SYNE3: variants seen among roughly 807,000 people sequenced by gnomAD.
SYNE3 encodes the protein nesprin-3.
A neutral mutation model predicts 111.2 loss-of-function variants in SYNE3; 100 were observed. That is an observed-to-expected ratio of 0.90 (90% CI 0.77 to 1.06). The LOEUF (loss-of-function observed/expected upper bound fraction) is 1.06, where lower values mean the gene tolerates loss of function less well. Among genes scored for constraint, SYNE3 ranks in the 50% least tolerant of loss-of-function variants. The pLI, the probability that SYNE3 is intolerant of heterozygous loss-of-function variation, is 0.00. For missense variants in SYNE3, 1,160 were observed against 1,240.3 expected (o/e 0.94, Z 0.97); for synonymous variants, 547 against 533.9 (o/e 1.02, Z -0.34).
chr14:95,418,793 T>C (rs1884907119), intron 17 of SYNE3, among the ~76,000 whole-genome samples: 1 of 152,054 alleles, frequency 6.6e-6, no homozygotes, highest in Non-Finnish European at 1.5e-5. Flanking sequence ...TTAGTAGAGA[T>C]GGGGTTTCAC....
chr14:95,456,820 C>A (rs8005086), intron 5 of SYNE3, among the ~76,000 whole-genome samples: 19,957 of 152,182 alleles, frequency 0.13, 4,200 homozygotes, highest in African/African-American at 0.44. Flanking sequence ...TGTGGTGGCT[C>A]ACACCTGTAA....
chr14:95,515,492 G>A (rs179151), intron 1 of SYNE3, among the ~76,000 whole-genome samples: 32,366 of 152,082 alleles, frequency 0.21, 4,135 homozygotes, highest in Admixed American at 0.34. Context: ...CCCCCTCTCT[G>A]GGCCTGTTTC....
In SYNE3 at chr14:95,482,935, T is replaced by C. The variant is rs527310827; in HGVS notation, c.-14-7100A>G. 2.6e-5 allele frequency among the ~76,000 whole-genome samples: 4 copies of C among 152,316 alleles called. No individual in the cohort carries two copies. The South Asian group carries it at 8.3e-4, about 32-fold the overall frequency. On this transcript the variant is annotated intron_variant, in intron 1 of 17. Transcript: ENST00000682763. ...AGGCAAGACTTGAACCAAGGATGACTTGAGTCTAAACTCTTTGCTATTAAA... is the reference window on the plus strand; with the variant it reads ...AGGCAAGACTTGAACCAAGGATGACCTGAGTCTAAACTCTTTGCTATTAAA...
chr14:95,473,513 AC>A (rs1416994562), intron 2 of SYNE3, among the ~76,000 whole-genome samples: 1 of 152,020 alleles, frequency 6.6e-6, no homozygotes, highest in Non-Finnish European at 1.5e-5. Flanking sequence ...TCTTGTGCAC[AC>A]CCAGACCCAC....
chr14:95,473,546 A>T (rs952349210), intron 2 of SYNE3, among the ~76,000 whole-genome samples: 1 of 152,090 alleles, frequency 6.6e-6, no homozygotes, highest in Non-Finnish European at 1.5e-5. Context: ...TTCCAAGCAG[A>T]GGCAACACAT....
chr14:95,480,067 A>G (rs1173726358), intron 1 of SYNE3, among the ~76,000 whole-genome samples: 1 of 152,200 alleles, frequency 6.6e-6, no homozygotes, highest in Non-Finnish European at 1.5e-5. Context: ...ATAAATAAAT[A>G]AATAAATAAA....
chr14:95,448,638 A>C (rs1294146259), intron 8 of SYNE3, among the ~76,000 whole-genome samples: 1 of 152,252 alleles, frequency 6.6e-6, no homozygotes, highest in African/African-American at 2.4e-5. Context: ...CAGTGAGCTG[A>C]GATCGCGCCA....
rs1339457834 is a variant in SYNE3, at chr14:95,415,374, G to T, written c.*2452C>A. Reference sequence around the variant, plus strand: ...ACTCAGCTCCTGATTTTCCAGTAAGGTGGTCGCCTGCAGAGAACGGCCCTA... The same window carrying T: ...ACTCAGCTCCTGATTTTCCAGTAAGTTGGTCGCCTGCAGAGAACGGCCCTA... On this transcript the variant is annotated 3_prime_UTR_variant, in exon 18 of 18. Transcript: ENST00000682763. The T allele has an allele frequency of 1.4e-5, 2 of 147,196 alleles. No individual in the cohort carries two copies. The highest frequency in any genetic ancestry group is 2.5e-5 in the African/African-American group (1 of 39,808). 9.1% of individuals were successfully genotyped at this position (147,196 alleles called of 1,614,324 possible).
In SYNE3 at chr14:95,467,815, G is replaced by A. The variant is rs779608954; in HGVS notation, c.297C>T (p.Thr99=). ...CCTACCTGTGACAGTGAGTCATGTA[G>A]GTGACTGTCTCCTCCCATTGGGCCT... The part of the protein sequence containing the change: ...DIKAQWEETV[T]YMTHCHSRIE... Residue 99 remains threonine, a synonymous_variant, in exon 3 of 18, where the codon ACC becomes ACT. Transcript: ENST00000682763. 95 of 1,614,106 alleles carry A rather than the reference G, an allele frequency of 5.9e-5. No homozygotes were observed. Among genetic ancestry groups the A allele is most frequent in the Non-Finnish European group, 7.6e-5 (90 of 1,180,052 alleles).
At chr14:95,436,510 A>G (rs148667835) in intron 15 of SYNE3, among the ~76,000 whole-genome samples, 202 of 152,242 alleles carry the variant, frequency 1.3e-3, no homozygotes, top group Non-Finnish European at 2.1e-3. Context: ...GGTTAAATAC[A>G]TAGTTATTGT....
chr14:95,492,067 C>G (rs916162851), intron 1 of SYNE3, among the ~76,000 whole-genome samples: 5 of 152,072 alleles, frequency 3.3e-5, no homozygotes, highest in Non-Finnish European at 7.4e-5. Context: ...AAATTAAAAC[C>G]AAAATGGGAT....
rs542015281 is a variant in SYNE3 at position 95,408,419 on chromosome 14, T to C, written c.*9407A>G. 1.3e-5 allele frequency: 2 copies of C among 152,272 alleles called. No individual in the cohort carries two copies. Among genetic ancestry groups the C allele is most frequent in the East Asian group, 3.9e-4 (2 of 5,182 alleles). 9.4% of individuals were successfully genotyped at this position (152,272 alleles called of 1,614,324 possible). On this transcript the variant is annotated 3_prime_UTR_variant, in exon 18 of 18. Coordinates refer to ENST00000682763, the MANE Select transcript of SYNE3 (RefSeq NM_152592.6). ...CTGCTATCCTGAGAAAAAGAGGGCA[T>C]CGTGTCTAAACCAGCCCAAGGAAAT...
At chr14:95,479,943 G>A (rs1041716243) in intron 1 of SYNE3, among the ~76,000 whole-genome samples, 63 of 152,228 alleles carry the variant, frequency 4.1e-4, no homozygotes, top group African/African-American at 1.5e-3. Context: ...AATGGCAGAC[G>A]CACACGGCCA....
intron 1 of SYNE3, among the ~76,000 whole-genome samples, chr14:95,496,040 G>A (rs112450431): frequency 0.016 from 2,367 of 152,352 alleles, 76 homozygotes; most frequent in African/African-American, 0.055. Context: ...TCCACTCAGA[G>A]GGGCCGGGAG....
At chr14:95,426,650 G>A (rs1002999341) in intron 17 of SYNE3, among the ~76,000 whole-genome samples, 76 of 152,194 alleles carry the variant, frequency 5.0e-4, no homozygotes, top group African/African-American at 1.7e-3. Context: ...CCGAGGGCAC[G>A]AGCTGTTCCA....
At chr14:95,440,189 C>T in intron 11 of SYNE3, 114 bp from the exon 12 acceptor site, 1 of 1,155,638 alleles carries the variant, frequency 8.7e-7, no homozygotes, top group Non-Finnish European at 1.2e-6. Context: ...CAGGGCTCCC[C>T]ACCAAGTAGC....
intron 1 of SYNE3, among the ~76,000 whole-genome samples, chr14:95,477,162 T>A (rs563003696): frequency 6.6e-6 from 1 of 152,250 alleles, no homozygotes; most frequent in African/African-American, 2.4e-5. Context: ...TTTGGGAGGC[T>A]TAGGCAGGAG....
intron 1 of SYNE3, among the ~76,000 whole-genome samples, chr14:95,497,772 A>C (rs1486005223): frequency 6.6e-6 from 1 of 151,990 alleles, no homozygotes; most frequent in Non-Finnish European, 1.5e-5. Flanking sequence ...TTCCAACAAA[A>C]CTTTATTTAC....
chr14:95,505,927 G>A (rs1890511064), intron 1 of SYNE3, among the ~76,000 whole-genome samples: 1 of 152,188 alleles, frequency 6.6e-6, no homozygotes, highest in Non-Finnish European at 1.5e-5. Flanking sequence ...CCATCCCTGT[G>A]CATCAGGATC....
Sources: gnomAD v4.1 joint callset for allele counts (sites outside exome capture counted in the v4.1 genomes callset) on GRCh38, gnomAD v4.1.1 for gene constraint, MANE v1.5 for transcripts, NCBI Gene and HGNC (gene_info 2026-07-23, HGNC 2026-07-21) for gene names.